Variants in PCDHGB2 observed in about 807,000 individuals in gnomAD.
PCDHGB2 encodes protocadherin gamma-B2.
PCDHGB2 carries 55 observed loss-of-function variants against 59.3 expected under a neutral mutation model. The observed-to-expected ratio is 0.93, with a 90% confidence interval of 0.75 to 1.16. PCDHGB2 has a LOEUF of 1.16. Ranked by LOEUF, PCDHGB2 falls within the 50% of genes most tolerant of loss-of-function variation. The pLI is 0.00. For missense variants in PCDHGB2, 1,228 were observed against 1,198.5 expected (o/e 1.02, Z -0.36); for synonymous variants, 516 against 512.0 (o/e 1.01, Z -0.11).
rs116140192 is a variant in PCDHGB2, at chr5:141,497,400, A to C, written c.2480+2535A>C. Among the ~76,000 whole-genome samples, 87 of 152,110 alleles carry C rather than the reference A, an allele frequency of 5.7e-4. 1 individual carries two copies. Among genetic ancestry groups the C allele is most frequent in the African/African-American group, 2.0e-3 (82 of 41,484 alleles). ...GGGGTGAGCACCTTACCCCTGCCTCAACTCCCATTCCATCAAATGAGAGGC... is the reference window on the plus strand; with the variant it reads ...GGGGTGAGCACCTTACCCCTGCCTCCACTCCCATTCCATCAAATGAGAGGC... On this transcript the variant is annotated intron_variant, in intron 2 of 3. Coordinates refer to ENST00000522605, the MANE Select transcript of PCDHGB2 (RefSeq NM_018923.3).
At position 141,489,258 on chromosome 5, in the gene PCDHGB2, C is replaced by T. The variant is rs1594800449; in HGVS notation, c.2422-5549C>T. 3.2e-6 allele frequency: 5 copies of T among 1,551,530 alleles called. No individual in the cohort carries two copies. Among genetic ancestry groups the T allele is most frequent in the African/African-American group, 1.4e-5 (1 of 73,276 alleles). On this transcript the variant is annotated intron_variant, in intron 1 of 3. Coordinates refer to ENST00000522605, the MANE Select transcript of PCDHGB2 (RefSeq NM_018923.3). This position sits in a 1 kb window ranked among gnomAD's most constrained non-coding sequence, Gnocchi z 4.5. Reference sequence around the variant, plus strand: ...TCTGGGTCATGGGGCCCAAGACACTCCCACAGCTCGCTGGGAAATGGCAAG... The same window carrying T: ...TCTGGGTCATGGGGCCCAAGACACTTCCACAGCTCGCTGGGAAATGGCAAG...
chr5:141,403,401 C>T (rs746777998), intron 1 of PCDHGB2: 1 of 1,614,052 alleles, frequency 6.2e-7, no homozygotes, highest in South Asian at 1.1e-5. Context: ...GTTCCTGGAG[C>T]ACGTTATCCA....
At position 141,403,424 on chromosome 5, in the gene PCDHGB2, A is replaced by G. The variant is rs771429615; in HGVS notation, c.2421+40868A>G. ...AGCACGTTATCCACTTCCAGAAGCT[A>G]TTGATCCGGATGTTGGCGTGAACTC... is the stretch of plus-strand genomic sequence containing the variant. On this transcript the variant is annotated intron_variant, in intron 1 of 3. Transcript: ENST00000522605. The G allele has an allele frequency of 3.1e-6, 5 of 1,613,932 alleles. No homozygotes were observed. In the African/African-American group the frequency reaches 4.0e-5, roughly 13 times the overall value.
intron 1 of PCDHGB2, chr5:141,405,074 G>T (rs536930748): frequency 2.5e-6 from 4 of 1,613,794 alleles, no homozygotes; most frequent in Non-Finnish European, 3.4e-6. Context: ...CCTCACCTTC[G>T]TTATCACGCT....
chr5:141,371,704 C>A, intron 1 of PCDHGB2: 1 of 1,614,030 alleles, frequency 6.2e-7, no homozygotes, highest in Non-Finnish European at 8.5e-7. Context: ...TCCAGCAAGA[C>A]CATCACTCTG....
intron 1 of PCDHGB2, chr5:141,399,738 G>T: frequency 1.2e-6 from 2 of 1,613,268 alleles, no homozygotes; most frequent in South Asian, 2.2e-5. Flanking sequence ...GCTCGCCTGC[G>T]CTCAGCGCAA....
At chr5:141,387,877 C>T in intron 1 of PCDHGB2, 1 of 1,585,868 alleles carries the variant, frequency 6.3e-7, no homozygotes, top group Non-Finnish European at 8.6e-7. Flanking sequence ...CTGAGGAGAG[C>T]AAGAGGGATG....
intron 1 of PCDHGB2, chr5:141,398,713 C>G (rs772426523): frequency 6.2e-7 from 1 of 1,613,828 alleles, no homozygotes; most frequent in Non-Finnish European, 8.5e-7. Context: ...GGAACTGGCA[C>G]TGGAGAAAAC....
At chr5:141,509,015 C>G (rs1370464396) in intron 3 of PCDHGB2, among the ~76,000 whole-genome samples, 2 of 152,098 alleles carry the variant, frequency 1.3e-5, no homozygotes, top group African/African-American at 4.8e-5. Context: ...AAGTGGGCAG[C>G]TGCTCCCTCC....
chr5:141,375,790 A>T, intron 1 of PCDHGB2: 1 of 1,614,216 alleles, frequency 6.2e-7, no homozygotes. Context: ...CCCTCCCCAC[A>T]GACGGTTCCA....
In PCDHGB2 at chr5:141,491,632, C is replaced by T; in HGVS notation, c.2422-3175C>T. On this transcript the variant is annotated intron_variant, in intron 1 of 3. Transcript: ENST00000522605. This position sits in a 1 kb window ranked among gnomAD's most constrained non-coding sequence, Gnocchi z 6.9. ...TCTAAGACCCCTCAGCGTTCAGCAG[C>T]CCACAGCTCTGGCGCTGGAGCCTGA... 1.2e-6 allele frequency: 2 copies of T among 1,613,886 alleles called. No individual in the cohort carries two copies. The highest frequency in any genetic ancestry group is 1.7e-6 in the Non-Finnish European group (2 of 1,179,994).
In PCDHGB2 at chr5:141,362,406, C is replaced by T; in HGVS notation, c.2271C>T (p.Ala757=). The change falls in exon 1 of 4, where the codon GCC becomes GCT. Residue 757 remains alanine, a synonymous_variant. Coordinates refer to ENST00000522605, the MANE Select transcript of PCDHGB2 (RefSeq NM_018923.3). ...CCTATTCCTACAACCTGTGTGTTGC[C>T]TCACAATCAGCCAAGACAGAGTTCA... is the stretch of plus-strand genomic sequence containing the variant. ...TLPYSYNLCV[A]SQSAKTEFNF... is the part of the protein sequence containing the mutation. 6.2e-7 allele frequency: 1 copy of T among 1,614,032 alleles called. No homozygotes were observed. Among genetic ancestry groups the T allele is most frequent in the South Asian group, 1.1e-5 (1 of 91,086 alleles).
intron 1 of PCDHGB2, chr5:141,374,981 G>A (rs761282613): frequency 6.2e-7 from 1 of 1,614,036 alleles, no homozygotes; most frequent in Non-Finnish European, 8.5e-7. Context: ...TTTGACTGGA[G>A]AAATTTCAAC....
intron 1 of PCDHGB2, chr5:141,427,795 C>A: frequency 6.7e-7 from 1 of 1,499,260 alleles, no homozygotes; most frequent in Non-Finnish European, 9.2e-7. Context: ...TCCTACGTGT[C>A]CGTGAGCGCA....
In PCDHGB2 at chr5:141,361,458, C is replaced by G; in HGVS notation, c.1323C>G (p.His441Gln). 6.2e-7 allele frequency: 1 copy of G among 1,614,054 alleles called. No homozygotes were observed. Among genetic ancestry groups the G allele is most frequent in the Non-Finnish European group, 8.5e-7 (1 of 1,179,898 alleles). ...CCTCCAGCATAATTGTCACCCTGCA[C>G]ATCTCCGACGTCAACGATAATGCCC... ...PLSSSIIVTL[H>Q]ISDVNDNAPV... The change falls in exon 1 of 4, where the codon CAC (histidine) becomes CAG (glutamine). Residue 441 changes from histidine (H) to glutamine (Q), a missense_variant. Physicochemically the swap from His to Gln is conservative, Grantham distance 24 (BLOSUM62 0). Coordinates refer to ENST00000522605, the MANE Select transcript of PCDHGB2 (RefSeq NM_018923.3).
chr5:141,374,078 C>A, intron 1 of PCDHGB2: 1 of 1,516,122 alleles, frequency 6.6e-7, no homozygotes, highest in Non-Finnish European at 8.8e-7. Flanking sequence ...TCCTAATAAG[C>A]CAGTAATGGC....
At chr5:141,371,998 G>A (rs893704391) in intron 1 of PCDHGB2, 3 of 1,613,266 alleles carry the variant, frequency 1.9e-6, no homozygotes, top group Non-Finnish European at 1.7e-6. Flanking sequence ...CTGCAGGCCC[G>A]CGACCAGGGC....
chr5:141,415,896 AC>A, intron 1 of PCDHGB2: 1 of 882,726 alleles, frequency 1.1e-6, no homozygotes, highest in East Asian at 3.3e-5. Flanking sequence ...AATTCCTAAG[AC>A]AGACTTCCAT....
chr5:141,411,237 T>C (rs1472710660), intron 1 of PCDHGB2: 1 of 152,116 alleles, frequency 6.6e-6, no homozygotes, highest in Non-Finnish European at 1.5e-5. Flanking sequence ...GAAGACTTAG[T>C]GAATTTACGA....
Sources: allele counts gnomAD v4.1 joint callset (sites outside exome capture counted in the v4.1 genomes callset), GRCh38; gene constraint gnomAD v4.1.1; non-coding constraint Gnocchi (gnomAD v3.1); transcripts MANE v1.5; gene names NCBI Gene and HGNC (gene_info 2026-07-23, HGNC 2026-07-21).